Variants in NRCAM observed in about 807,000 individuals in gnomAD.
NRCAM encodes neuronal cell adhesion molecule.
NRCAM carries 83 observed loss-of-function variants against 156.5 expected under a neutral mutation model. That is an observed-to-expected ratio of 0.53 (90% CI 0.44 to 0.64). The LOEUF is 0.64. Among genes scored for constraint, NRCAM ranks in the 30% least tolerant of loss-of-function variants. The pLI, the probability that NRCAM is intolerant of heterozygous loss-of-function variation, is 0.00. For synonymous variants in NRCAM, 538 were observed against 563.9 expected (o/e 0.95, Z 0.65); for missense variants, 1,417 against 1,597.3 (o/e 0.89, Z 1.92).
chr7:108,390,831 C>T (rs2099757314), intron 2 of NRCAM, among the ~76,000 whole-genome samples: 1 of 152,128 alleles, frequency 6.6e-6, no homozygotes, highest in South Asian at 2.1e-4. Flanking sequence ...TCATTATGTA[C>T]CCAGTAGTCA....
At chr7:108,329,040 G>C (rs1196991980) in intron 2 of NRCAM, among the ~76,000 whole-genome samples, 2 of 152,050 alleles carry the variant, frequency 1.3e-5, no homozygotes, top group Non-Finnish European at 1.5e-5. Context: ...AACTCTATTT[G>C]ATTCAGTTAA....
chr7:108,324,649 G>T (rs984012307), intron 2 of NRCAM, among the ~76,000 whole-genome samples: 19 of 152,148 alleles, frequency 1.2e-4, no homozygotes, highest in African/African-American at 4.6e-4. Flanking sequence ...GGGGCTGGGT[G>T]GTAAGGAGGA....
chr7:108,308,053 T>G (rs557330462), intron 3 of NRCAM, among the ~76,000 whole-genome samples: 1 of 152,202 alleles, frequency 6.6e-6, no homozygotes, highest in Non-Finnish European at 1.5e-5. Context: ...ACAATTAAAG[T>G]TCAATAAATG....
intron 2 of NRCAM, among the ~76,000 whole-genome samples, chr7:108,385,294 A>G (rs1304578792): frequency 6.6e-6 from 1 of 152,226 alleles, no homozygotes; most frequent in Non-Finnish European, 1.5e-5. Context: ...GGAGGCGATC[A>G]TAACACCCAA....
chr7:108,167,505 C>G (rs1051461792), intron 29 of NRCAM, among the ~76,000 whole-genome samples: 13 of 152,144 alleles, frequency 8.5e-5, no homozygotes, highest in Admixed American at 2.0e-4. Flanking sequence ...TAAATGCCTT[C>G]CAACGTATCC....
chr7:108,168,321 C>T lies in NRCAM; in HGVS notation c.3269G>A (p.Gly1090Glu). The change falls in exon 29 of 33, where the codon GGA (glycine) becomes GAA (glutamate). Residue 1090 changes from glycine to glutamate, a missense_variant. Physicochemically the swap from Gly to Glu is moderately conservative, Grantham distance 98. Transcript: ENST00000379028. Reference protein sequence around the residue: ...TYANISWEYEGPEHVNFYVEY... With the variant: ...TYANISWEYEEPEHVNFYVEY... ...AACATAAAAGTTCACATGCTCTGGT[C>T]CCTCATATTCCCAACTGATATTGGC... 1.2e-6 allele frequency: 2 copies of T among 1,607,920 alleles called. No individual in the cohort carries two copies. Among genetic ancestry groups the T allele is most frequent in the Admixed American group, 1.7e-5 (1 of 58,976 alleles).
chr7:108,183,901 T>G (rs2065071457), intron 22 of NRCAM, among the ~76,000 whole-genome samples: 1 of 152,104 alleles, frequency 6.6e-6, no homozygotes, highest in Non-Finnish European at 1.5e-5. Flanking sequence ...CTGTTCTAGG[T>G]GCTTTATATG....
In NRCAM at chr7:108,207,648, A is replaced by G. The variant is rs2081867209; in HGVS notation, c.1087T>C (p.Trp363Arg). 1 of 1,609,718 alleles carries G rather than the reference A, an allele frequency of 6.2e-7. No homozygotes were observed. Among genetic ancestry groups the G allele is most frequent in the East Asian group, 2.2e-5 (1 of 44,804 alleles). The change falls in exon 13 of 33, where the codon TGG becomes CGG. Residue 363 changes from tryptophan (W) to arginine (R), a missense_variant. Physicochemically the swap from Trp to Arg is moderately radical, Grantham distance 101 (BLOSUM62 -3). Coordinates refer to ENST00000379028, the MANE Select transcript of NRCAM (RefSeq NM_001037132.4). ...ISVRVKAAPY[W>R]ITAPQNLVLS... ...ACAAGATTTTGAGGGGCTGTGATCC[A>G]GTATGGAGCCGCTTTATAGGAGGAA...
Position 108,188,406 on chromosome 7 carries a change from TAC to T in NRCAM, c.2035+1237_2035+1238del, listed in dbSNP as rs59113938. Among the ~76,000 whole-genome samples the T allele has an allele frequency of 3.4e-3, 521 of 151,606 alleles. 7 individuals carry two copies. Among genetic ancestry groups the T allele is most frequent in the Non-Finnish European group, 4.6e-3 (309 of 67,806 alleles). ...GTGTGTGTGTGTGTGTGTGTATATA[TAC>T]ATATGTTTACATGCAGATATAATGA... On this transcript the variant is annotated intron_variant, in intron 20 of 32. Coordinates refer to ENST00000379028, the MANE Select transcript of NRCAM (RefSeq NM_001037132.4).
At chr7:108,347,106 C>T (rs1252687805) in intron 2 of NRCAM, among the ~76,000 whole-genome samples, 4 of 130,318 alleles carry the variant, frequency 3.1e-5, no homozygotes, top group African/African-American at 1.1e-4. Context: ...GGTGCAATCT[C>T]GGCTCACTGC....
At chr7:108,368,742 G>C (rs982742700) in intron 2 of NRCAM, among the ~76,000 whole-genome samples, 1 of 152,110 alleles carries the variant, frequency 6.6e-6, no homozygotes, top group Non-Finnish European at 1.5e-5. Flanking sequence ...AAACAAGCGT[G>C]AAGTAGAGCA....
chr7:108,370,906 G>T lies in NRCAM; in HGVS notation c.-174+28530C>A, dbSNP rs537960251. ...ATATTAATAATATTTCTCCAACCAG[G>T]TTCTACTTACATCTGCCTCCAAAAT... On this transcript the variant is annotated intron_variant, in intron 2 of 32. Coordinates refer to ENST00000379028, the MANE Select transcript of NRCAM (RefSeq NM_001037132.4). Among the ~76,000 whole-genome samples, 4 of 152,106 alleles carry T rather than the reference G, an allele frequency of 2.6e-5. No homozygotes were observed. In the South Asian group the frequency reaches 6.2e-4, roughly 24 times the overall value.
chr7:108,278,137 A>AT (rs1248325585), intron 3 of NRCAM, among the ~76,000 whole-genome samples: 5 of 152,114 alleles, frequency 3.3e-5, no homozygotes, highest in African/African-American at 1.2e-4. Flanking sequence ...ACCCACCTGT[A>AT]TGAGGTGTTT....
chr7:108,254,343 C>T (rs1274088580), intron 3 of NRCAM, among the ~76,000 whole-genome samples: 1 of 152,076 alleles, frequency 6.6e-6, no homozygotes, highest in African/African-American at 2.4e-5. Flanking sequence ...AAATATCTAA[C>T]AAGCACATGA....
intron 1 of NRCAM, among the ~76,000 whole-genome samples, chr7:108,449,233 T>TCA (rs995934649): frequency 2.6e-5 from 4 of 152,236 alleles, no homozygotes; most frequent in Non-Finnish European, 4.4e-5. Flanking sequence ...ACACCATCTG[T>TCA]CACTTAAGCT....
chr7:108,269,497 C>A (rs549477231), intron 3 of NRCAM, among the ~76,000 whole-genome samples: 1 of 152,196 alleles, frequency 6.6e-6, no homozygotes, highest in African/African-American at 2.4e-5. Flanking sequence ...TCATCCAAGT[C>A]ACGCAGAAGG....
chr7:108,452,375 C>A (rs1563876078), intron 1 of NRCAM, among the ~76,000 whole-genome samples: 1 of 151,754 alleles, frequency 6.6e-6, no homozygotes, highest in Non-Finnish European at 1.5e-5. Flanking sequence ...ATGTATACAA[C>A]TTTTACTTGT....
intron 4 of NRCAM, among the ~76,000 whole-genome samples, chr7:108,239,603 G>A (rs947130549): frequency 6.6e-6 from 1 of 152,120 alleles, no homozygotes. Context: ...TCATTTTAAA[G>A]TGGCTCATAT....
chr7:108,311,446 G>C (rs1167507975), intron 3 of NRCAM, among the ~76,000 whole-genome samples: 1 of 152,112 alleles, frequency 6.6e-6, no homozygotes, highest in Non-Finnish European at 1.5e-5. Flanking sequence ...CTTCAACAAA[G>C]GGAGCTTTCT....
Sources: allele counts gnomAD v4.1 joint callset (sites outside exome capture counted in the v4.1 genomes callset), GRCh38; gene constraint gnomAD v4.1.1; transcripts MANE v1.5; gene names NCBI Gene and HGNC (gene_info 2026-07-23, HGNC 2026-07-21).